ZNF485: variants seen among roughly 807,000 people sequenced by gnomAD.
The protein encoded by ZNF485 is Zinc finger protein 93 (Zinc finger protein HTF34).
ZNF485 carries 9 observed loss-of-function variants against 10.8 expected under a neutral mutation model. That is an observed-to-expected ratio of 0.83 (90% CI 0.50 to 1.45). The LOEUF (loss-of-function observed/expected upper bound fraction) is 1.45. Ranked by LOEUF, ZNF485 falls within the 40% of genes most tolerant of loss-of-function variation. ZNF485 has a pLI of 0.00. For synonymous variants in ZNF485, 187 were observed against 181.0 expected (o/e 1.03, Z -0.27); for missense variants, 487 against 528.0 (o/e 0.92, Z 0.76).
chr10:43,614,123 GA>G (rs1265495372), intron 4 of ZNF485, among the ~76,000 whole-genome samples: 1 of 151,922 alleles, frequency 6.6e-6, no homozygotes, highest in African/African-American at 2.4e-5. Flanking sequence ...GCTAAGACAG[GA>G]GAATCACTCG....
chr10:43,609,400 C>G, intron 4 of ZNF485, 50 bp downstream of exon 4: 1 of 1,454,782 alleles, frequency 6.9e-7, no homozygotes. Flanking sequence ...CGGAGCAGTA[C>G]GGGGGTTCCT....
intron 3 of ZNF485, 129 bp downstream of exon 3, chr10:43,608,869 G>T: frequency 7.8e-7 from 1 of 1,281,116 alleles, no homozygotes; most frequent in South Asian, 1.5e-5. Context: ...TCTTAAGTAT[G>T]GGCTTAGAGG....
At chr10:43,616,238 A>T (rs1395771961) in intron 4 of ZNF485, 53 bp from the exon 5 acceptor site, 4 of 1,413,316 alleles carry the variant, frequency 2.8e-6, no homozygotes, top group African/African-American at 1.4e-5. Flanking sequence ...CACAACTCTC[A>T]CTTTCAGCAT....
At chr10:43,612,804 T>C (rs1332513182) in intron 4 of ZNF485, among the ~76,000 whole-genome samples, 1 of 152,176 alleles carries the variant, frequency 6.6e-6, no homozygotes, top group Non-Finnish European at 1.5e-5. Flanking sequence ...ATGTATTTAT[T>C]AGTGTTACTG....
chr10:43,617,421 C>A lies in ZNF485; in HGVS notation c.*52C>A. On this transcript the variant is annotated 3_prime_UTR_variant, in exon 5 of 5. Transcript: ENST00000361807. Reference sequence around the variant, plus strand: ...TTCCTTCTGACCATCATAGAGGAGACATTAAATAAATTATGCATTTAACAG... The same window carrying A: ...TTCCTTCTGACCATCATAGAGGAGAAATTAAATAAATTATGCATTTAACAG... 2 of 1,288,788 alleles carry A rather than the reference C, an allele frequency of 1.6e-6. No homozygotes were observed. Among genetic ancestry groups the A allele is most frequent in the Non-Finnish European group, 1.1e-6 (1 of 938,508 alleles). 79.8% of individuals were successfully genotyped at this position (1,288,788 alleles called of 1,614,324 possible). A position where few individuals can be genotyped will look rare whatever the true frequency, so the allele number is the denominator to read the frequency against.
At position 43,617,117 on chromosome 10, in the gene ZNF485, C is replaced by T; in HGVS notation, c.1074C>T (p.Asp358=). 6.2e-7 allele frequency: 1 copy of T among 1,614,126 alleles called. No individual in the cohort carries two copies. Among genetic ancestry groups the T allele is most frequent in the East Asian group, 2.2e-5 (1 of 44,868 alleles). ...GAAATAAACCGTATCAGTGTCGTGA[C>T]TGTGGGAAGGCCTTTACAAAGAGCT... ...HSGNKPYQCR[D]CGKAFTKSST... The change falls in exon 5 of 5, where the codon GAC becomes GAT. Residue 358 remains aspartate (D), a synonymous_variant. Transcript: ENST00000361807.
chr10:43,610,417 C>G (rs1415632014), intron 4 of ZNF485, among the ~76,000 whole-genome samples: 2 of 152,162 alleles, frequency 1.3e-5, no homozygotes, highest in Non-Finnish European at 2.9e-5. Flanking sequence ...ACCAGTAATA[C>G]ATAGTCTTGC....
Position 43,617,143 on chromosome 10 carries a change from C to G in ZNF485, c.1100C>G (p.Ser367Ter), listed in dbSNP as rs1838878692. 6.2e-7 allele frequency: 1 copy of G among 1,614,178 alleles called. No homozygotes were observed. The highest frequency in any genetic ancestry group is 1.3e-5 in the African/African-American group (1 of 75,048). ...RDCGKAFTKS[S>*]TLTGHQRIHT... Reference sequence around the variant, plus strand: ...TGTGGGAAGGCCTTTACAAAGAGCTCAACCCTTACTGGACATCAGAGAATT... The same window carrying G: ...TGTGGGAAGGCCTTTACAAAGAGCTGAACCCTTACTGGACATCAGAGAATT... Residue 367 changes from serine (S) to a stop codon, truncating the protein, a stop_gained, in exon 5 of 5, where the codon TCA (serine) becomes TGA (stop). Transcript: ENST00000361807. LOFTEE classifies it low-confidence loss of function (END_TRUNC).
Position 43,616,289 on chromosome 10 carries a change from A to G in ZNF485, c.248-2A>G, listed in dbSNP as rs1245989600. On this transcript the variant is annotated splice_acceptor_variant, in intron 4 of 4. Transcript: ENST00000361807. LOFTEE classifies it high-confidence loss of function. The stretch of plus-strand genomic sequence containing the variant: ...ATTTGAATTTTTAAAATTTTCTTTC[A>G]GTCGAGGATTACTGGTTTGAAACAA... The G allele has an allele frequency of 6.5e-7, 1 of 1,547,106 alleles. No individual in the cohort carries two copies. The highest frequency in any genetic ancestry group is 8.7e-7 in the Non-Finnish European group (1 of 1,150,822).
Position 43,608,726 on chromosome 10 carries a change from A to G in ZNF485, c.137A>G (p.Asn46Ser). Residue 46 changes from asparagine (N) to serine (S), a missense_variant, in exon 3 of 5, where the codon AAT becomes AGT. Coordinates refer to ENST00000361807, the MANE Select transcript of ZNF485 (RefSeq NM_145312.4). ...YRDVMLENYG[N>S]LVSVGLLSSK... The stretch of plus-strand genomic sequence containing the variant: ...GATGTGATGCTGGAGAACTATGGGA[A>G]TCTGGTGTCTGTGGGTGAGGATGGC... 3 of 1,614,016 alleles carry G rather than the reference A, an allele frequency of 1.9e-6. No homozygotes were observed. The highest frequency in any genetic ancestry group is 2.5e-6 in the Non-Finnish European group (3 of 1,179,960).
intron 4 of ZNF485, among the ~76,000 whole-genome samples, chr10:43,614,817 C>T (rs2132352809): frequency 6.6e-6 from 1 of 152,226 alleles, no homozygotes; most frequent in South Asian, 2.1e-4. Flanking sequence ...TTACCATCCT[C>T]TTAGAATGGA....
chr10:43,615,952 G>T (rs1300286257), intron 4 of ZNF485, among the ~76,000 whole-genome samples: 2 of 151,894 alleles, frequency 1.3e-5, no homozygotes, highest in African/African-American at 4.8e-5. Context: ...TGTGACTCTG[G>T]GCTTTCTCCT....
At position 43,617,130 on chromosome 10, in the gene ZNF485, T is replaced by C. The variant is rs1838878252; in HGVS notation, c.1087T>C (p.Phe363Leu). ...TCAGTGTCGTGACTGTGGGAAGGCC[T>C]TTACAAAGAGCTCAACCCTTACTGG... The part of the protein sequence containing the change: ...PYQCRDCGKA[F>L]TKSSTLTGHQ... Residue 363 changes from phenylalanine to leucine, a missense_variant, in exon 5 of 5, where the codon TTT (phenylalanine) becomes CTT (leucine). Coordinates refer to ENST00000361807, the MANE Select transcript of ZNF485 (RefSeq NM_145312.4). 3 of 1,614,082 alleles carry C rather than the reference T, an allele frequency of 1.9e-6. No homozygotes were observed. The South Asian group carries it at 3.3e-5, about 18-fold the overall frequency.
chr10:43,608,853 T>C, intron 3 of ZNF485, 113 bp downstream of exon 3: 1 of 1,440,384 alleles, frequency 6.9e-7, no homozygotes, highest in Non-Finnish European at 9.4e-7. Context: ...CTTTTTGTTT[T>C]GTTTTTCTTA....
In ZNF485 at chr10:43,607,108, C is replaced by G. The variant is rs116786045; in HGVS notation, c.24+34C>G. On this transcript the variant is annotated intron_variant, in intron 2 of 4. Transcript: ENST00000361807. The stretch of plus-strand genomic sequence containing the variant: ...GATTTTTCCATTTCTTGAGAAACCA[C>G]GTGTTTCAGCGAGGTGGGGTTTATG... 1,081 of 1,550,672 alleles carry G rather than the reference C, an allele frequency of 7.0e-4. 4 individuals are homozygous for G. In the African/African-American group the frequency reaches 0.013, roughly 19 times the overall value.
At chr10:43,614,860 AT>A (rs1378671684) in intron 4 of ZNF485, among the ~76,000 whole-genome samples, 10 of 151,980 alleles carry the variant, frequency 6.6e-5, no homozygotes, top group South Asian at 2.1e-4. Flanking sequence ...GGGTTTATAT[AT>A]TTTTTTTCTC....
intron 4 of ZNF485, among the ~76,000 whole-genome samples, chr10:43,611,939 T>C (rs1261475269): frequency 6.6e-6 from 1 of 152,212 alleles, no homozygotes; most frequent in East Asian, 1.9e-4. Context: ...GTTTGTTTTA[T>C]ATCAGCTTTA....
In ZNF485 at chr10:43,609,331, T is replaced by C. The variant is rs1438928965; in HGVS notation, c.228T>C (p.Ala76=). Residue 76 remains alanine, a synonymous_variant, in exon 4 of 5, where the codon GCT becomes GCC. Transcript: ENST00000361807. ...AGCCCTGGACTGAGGTGCGAGAGGC[T>C]CCATCAGGCACACATGCAGGTGAGT... ...GAEPWTEVRE[A]PSGTHAVEDY... The C allele has an allele frequency of 1.9e-6, 3 of 1,613,844 alleles. No individual in the cohort carries two copies. In the Middle Eastern group the frequency reaches 5.0e-4, roughly 267 times the overall value.
intron 4 of ZNF485, among the ~76,000 whole-genome samples, chr10:43,611,678 G>A (rs1838770825): frequency 6.6e-6 from 1 of 152,128 alleles, no homozygotes; most frequent in African/African-American, 2.4e-5. Flanking sequence ...TATATGCTTT[G>A]ATCCTTGCAA....
Sources: gnomAD v4.1 joint callset for allele counts (sites outside exome capture counted in the v4.1 genomes callset) on GRCh38, gnomAD v4.1.1 for gene constraint, MANE v1.5 for transcripts, NCBI Gene and HGNC (gene_info 2026-07-23, HGNC 2026-07-21) for gene names.